Variants in BAHCC1 observed in about 807,000 individuals in gnomAD.
BAHCC1 encodes BAH and coiled-coil domain-containing protein 1.
Under a neutral mutation model 88.2 loss-of-function variants are expected in BAHCC1, and 43 were observed. That is an observed-to-expected ratio of 0.49 (90% CI 0.38 to 0.63). The LOEUF is 0.63. Among genes scored for constraint, BAHCC1 ranks in the 20% least tolerant of loss-of-function variants. The probability of loss-of-function intolerance (pLI) is 0.00; values close to 1 mark genes in which losing one functional copy is unlikely to be tolerated. For synonymous variants in BAHCC1, 1,510 were observed against 745.5 expected (o/e 2.03, Z -16.71); for missense variants, 3,023 against 1,654.8 (o/e 1.83, Z -14.34).
intron 3 of BAHCC1, among the ~76,000 whole-genome samples, chr17:81,437,669 G>T (rs1247938886): frequency 6.6e-6 from 1 of 152,242 alleles, no homozygotes; most frequent in African/African-American, 2.4e-5. Context: ...GCTCAGAAAT[G>T]TGGCTGCCTT....
chr17:81,464,457 C>T lies in BAHCC1; in HGVS notation c.*640C>T, dbSNP rs972477704. The T allele has an allele frequency of 1.3e-5, 2 of 154,550 alleles. No homozygotes were observed. Among genetic ancestry groups the T allele is most frequent in the African/African-American group, 2.4e-5 (1 of 41,376 alleles). The allele number at this position is 154,550 out of a possible 1,614,324, so 9.6% of individuals were successfully genotyped here. On this transcript the variant is annotated 3_prime_UTR_variant, in exon 28 of 28. Transcript: ENST00000675386. ...GGTCAGGTGGGACCCTTGACGGCAC[C>T]CTCTGATCTCTTGGGGGGACGACCG...
chr17:81,433,563 T>C (rs1278041138), intron 3 of BAHCC1, among the ~76,000 whole-genome samples: 15 of 114,730 alleles, frequency 1.3e-4, no homozygotes, highest in South Asian at 3.1e-4. Flanking sequence ...CTCCTGTGCT[T>C]AGGGCAGGTG....
At position 81,460,726 on chromosome 17, in the gene BAHCC1, AGAATCCGGATCGGG is replaced by A. The variant is rs782199001; in HGVS notation, c.6202+24_6202+37del. 2.6e-6 allele frequency: 2 copies of A among 775,934 alleles called. No individual in the cohort carries two copies. The allele number at this position is 775,934 out of a possible 1,614,324, so 48.1% of individuals were successfully genotyped here. ...AAGCTGGTATTTTACCGGACTTCCC[AGAATCCGGATCGGG>A]GAAGGCACCCTCTGGGGGCTGGGGG... On this transcript the variant is annotated intron_variant, in intron 25 of 27. Transcript: ENST00000675386.
intron 2 of BAHCC1, among the ~76,000 whole-genome samples, chr17:81,418,818 T>TGTGTGTAC (rs1555649162): frequency 2.3e-4 from 35 of 151,526 alleles, no homozygotes; most frequent in African/African-American, 8.3e-4. Context: ...TACGTGTGTG[T>TGTGTGTAC]GTGTGTGTGT....
chr17:81,438,623 TG>T, intron 4 of BAHCC1, 131 bp downstream of exon 4: 1 of 654,606 alleles, frequency 1.5e-6, no homozygotes, highest in East Asian at 2.7e-5. Flanking sequence ...GAGGCCAGGG[TG>T]GGGGCTAGAG....
In BAHCC1 at chr17:81,458,379, C is replaced by T. The variant is rs61740254; in HGVS notation, c.5256C>T (p.Phe1752=). ...CCCTCTTCAACCCCTCTCGGGCCTT[C>T]GCCTGCCGTGAGGAGGGCAGCCAGC... ...RDALFNPSRA[F]ACREEGSQLA... The change falls in exon 18 of 28, where the codon TTC becomes TTT. Residue 1752 remains phenylalanine, a synonymous_variant. Transcript: ENST00000675386. The T allele has an allele frequency of 8.0e-3, 5,819 of 725,612 alleles. 36 individuals carry two copies. The highest frequency in any genetic ancestry group is 0.012 in the Non-Finnish European group (4,659 of 395,054). The allele number at this position is 725,612 out of a possible 1,614,324, so 44.9% of individuals were successfully genotyped here. A position where few individuals can be genotyped will look rare whatever the true frequency, so the allele number is the denominator to read the frequency against.
rs1010981693 is a variant in BAHCC1 at position 81,462,043 on chromosome 17, A to G, written c.7380A>G (p.Thr2460=). The change falls in exon 26 of 28, where the codon ACA becomes ACG. Residue 2460 remains threonine, a synonymous_variant. Coordinates refer to ENST00000675386, the MANE Select transcript of BAHCC1 (RefSeq NM_001377448.1). ...RQLWKWSGNP[T]QRRGMKGKAR... ...TCTGGAAGTGGTCGGGGAATCCCACACAGGTAGGTCCAGCGGGAGGCGGGA... is the reference window on the plus strand; with the variant it reads ...TCTGGAAGTGGTCGGGGAATCCCACGCAGGTAGGTCCAGCGGGAGGCGGGA... 3 of 773,588 alleles carry G rather than the reference A, an allele frequency of 3.9e-6. No homozygotes were observed. Among genetic ancestry groups the G allele is most frequent in the Non-Finnish European group, 4.8e-6 (2 of 414,834 alleles). 47.9% of individuals were successfully genotyped at this position (773,588 alleles called of 1,614,324 possible).
chr17:81,423,971 C>T (rs11150786), intron 2 of BAHCC1, among the ~76,000 whole-genome samples: 29,951 of 152,170 alleles, frequency 0.2, 3,138 homozygotes, highest in Non-Finnish European at 0.21. Context: ...AGGAGCCTCT[C>T]GCGGCCTCCA....
Position 81,444,771 on chromosome 17 carries a change from A to G in BAHCC1, c.2616A>G (p.Thr872=), listed in dbSNP as rs1555653851. The G allele has an allele frequency of 1.3e-6, 1 of 778,372 alleles. No homozygotes were observed. The highest frequency in any genetic ancestry group is 1.3e-5 in the South Asian group (1 of 74,566). The allele number at this position is 778,372 out of a possible 1,614,324, so 48.2% of individuals were successfully genotyped here. A position where few individuals can be genotyped will look rare whatever the true frequency, so the allele number is the denominator to read the frequency against. ...TCCCCCTCCCACAGGACGCCCCCAC[A>G]CAGCTGGTCATCCTGCCCTCAGAGC... The part of the protein sequence containing the change: ...SVFPLPQDAP[T]QLVILPSEPT... The change falls in exon 8 of 28, where the codon ACA becomes ACG. Residue 872 remains threonine (T), a synonymous_variant. Coordinates refer to ENST00000675386, the MANE Select transcript of BAHCC1 (RefSeq NM_001377448.1).
chr17:81,422,200 CAG>C (rs1295093704), intron 2 of BAHCC1, among the ~76,000 whole-genome samples: 9 of 152,160 alleles, frequency 5.9e-5, no homozygotes, highest in African/African-American at 1.9e-4. Flanking sequence ...TTAGTAGAGA[CAG>C]GGTTTCACCT....
rs1555659942 is a variant in BAHCC1 at position 81,462,994 on chromosome 17, G to A, written c.7620+18G>A. On this transcript the variant is annotated intron_variant, in intron 27 of 27. Transcript: ENST00000675386. ...ACGGCAAGGTGAGGCCCGGACAGGT[G>A]TGGGGCCCAGCCCCCCTCGGGGCCC... is the stretch of plus-strand genomic sequence containing the variant. 1.3e-6 allele frequency: 1 copy of A among 776,508 alleles called. No individual in the cohort carries two copies. The highest frequency in any genetic ancestry group is 2.4e-5 in the East Asian group (1 of 41,220). The allele number at this position is 776,508 out of a possible 1,614,324, so 48.1% of individuals were successfully genotyped here. A position where few individuals can be genotyped will look rare whatever the true frequency, so the allele number is the denominator to read the frequency against.
chr17:81,424,771 TTGG>T (rs1214918728), intron 2 of BAHCC1, among the ~76,000 whole-genome samples: 3 of 150,596 alleles, frequency 2.0e-5, no homozygotes, highest in Non-Finnish European at 3.0e-5. Context: ...GTTGATGTGG[TTGG>T]TGGTGGTGGG....
At chr17:81,413,162 G>A in intron 2 of BAHCC1, 1 of 435,882 alleles carries the variant, frequency 2.3e-6, no homozygotes, top group South Asian at 1.6e-5. Context: ...ACCCCAGAGT[G>A]GGCCGTCGGG....
intron 4 of BAHCC1, among the ~76,000 whole-genome samples, chr17:81,439,139 C>T (rs1374968088): frequency 1.3e-5 from 2 of 152,130 alleles, no homozygotes; most frequent in Admixed American, 6.5e-5. Flanking sequence ...CTGGTGCCAG[C>T]GAGTCCCCTC....
Position 81,434,212 on chromosome 17 carries a change from C to T in BAHCC1, c.359-4158C>T, listed in dbSNP as rs992472636. ...GTATTTGAGACAGTGCCCACAGCCT[C>T]CCACGTTCCCCAGGGCCTCCCAGGC... On this transcript the variant is annotated intron_variant, in intron 3 of 27. Transcript: ENST00000675386. This position sits in a 1 kb window ranked among gnomAD's most constrained non-coding sequence, Gnocchi z 4.9. Among the ~76,000 whole-genome samples, 15 of 152,134 alleles carry T rather than the reference C, an allele frequency of 9.9e-5. No homozygotes were observed. Among genetic ancestry groups the T allele is most frequent in the African/African-American group, 3.1e-4 (13 of 41,424 alleles).
chr17:81,431,226 C>A (rs954150113), intron 3 of BAHCC1, among the ~76,000 whole-genome samples: 8 of 152,110 alleles, frequency 5.3e-5, no homozygotes, highest in African/African-American at 1.7e-4. Flanking sequence ...CCTCCCATAC[C>A]CTCGGCCCCT....
At chr17:81,452,427 G>A (rs1177131057) in intron 13 of BAHCC1, among the ~76,000 whole-genome samples, 1 of 151,918 alleles carries the variant, frequency 6.6e-6, no homozygotes, top group Non-Finnish European at 1.5e-5. Flanking sequence ...GGAGGACTGG[G>A]GGTGCTGTGG....
chr17:81,409,449 A>C (rs2063921645), intron 2 of BAHCC1, among the ~76,000 whole-genome samples: 2 of 152,162 alleles, frequency 1.3e-5, no homozygotes, highest in African/African-American at 4.8e-5. Context: ...CACAGCTGTG[A>C]AGGAGGGTTC....
At chr17:81,416,114 G>C (rs566310848) in intron 2 of BAHCC1, among the ~76,000 whole-genome samples, 1 of 151,630 alleles carries the variant, frequency 6.6e-6, no homozygotes, top group East Asian at 2.0e-4. Context: ...ATGGGTGTGT[G>C]TGTGTCCATG....
Sources: gnomAD v4.1 joint callset for allele counts (sites outside exome capture counted in the v4.1 genomes callset) on GRCh38, gnomAD v4.1.1 for gene constraint, Gnocchi (gnomAD v3.1) non-coding constraint, MANE v1.5 for transcripts, NCBI Gene and HGNC (gene_info 2026-07-23, HGNC 2026-07-21) for gene names.